AUTS2: variants seen among roughly 807,000 people sequenced by gnomAD.
AUTS2 encodes activator of transcription and developmental regulator AUTS2.
A neutral mutation model predicts 112.4 loss-of-function variants in AUTS2; 17 were observed. The observed-to-expected ratio is 0.15, with a 90% CI of 0.10 to 0.23. The LOEUF (loss-of-function observed/expected upper bound fraction) is 0.23, where lower values mean the gene tolerates loss of function less well. Ranked by LOEUF, AUTS2 falls within the 10% of genes least tolerant of loss-of-function variation. AUTS2 has a pLI of 1.00. For missense variants in AUTS2, 1,510 were observed against 1,701.6 expected, an observed-to-expected ratio of 0.89 and a Z score of 1.98; for synonymous variants, 751 against 702.7, an observed-to-expected ratio of 1.07 and a Z score of -1.09.
At chr7:70,056,167 T>C (rs1801985702) in intron 2 of AUTS2, among the ~76,000 whole-genome samples, 1 of 152,242 alleles carries the variant, frequency 6.6e-6, no homozygotes, top group African/African-American at 2.4e-5. Flanking sequence ...TTTGTATTTT[T>C]AGTAGAGACG....
At chr7:70,480,411 C>T (rs1449520431) in intron 5 of AUTS2, among the ~76,000 whole-genome samples, 1 of 152,154 alleles carries the variant, frequency 6.6e-6, no homozygotes, top group Non-Finnish European at 1.5e-5. Context: ...TCTACATGGC[C>T]ATATCCTTGC....
chr7:69,847,339 A>G (rs1328384382), intron 1 of AUTS2, among the ~76,000 whole-genome samples: 1 of 152,252 alleles, frequency 6.6e-6, no homozygotes, highest in Non-Finnish European at 1.5e-5. Flanking sequence ...AGGAGTTCAC[A>G]AAGTCATATG....
At chr7:70,592,582 G>T (rs945983493) in intron 5 of AUTS2, among the ~76,000 whole-genome samples, 2 of 151,896 alleles carry the variant, frequency 1.3e-5, no homozygotes, top group African/African-American at 4.8e-5. Flanking sequence ...AGCTGGTCTC[G>T]AACTCCTGAC....
chr7:70,229,996 G>A (rs780681702), intron 4 of AUTS2, among the ~76,000 whole-genome samples: 20 of 151,874 alleles, frequency 1.3e-4, no homozygotes, highest in African/African-American at 2.7e-4. Flanking sequence ...AAACTTTTTC[G>A]GAAGGGGATC....
intron 3 of AUTS2, among the ~76,000 whole-genome samples, chr7:70,121,316 A>T (rs909891148): frequency 6.6e-6 from 1 of 152,188 alleles, no homozygotes; most frequent in African/African-American, 2.4e-5. Flanking sequence ...TGACACCAAA[A>T]GCATGTACAA....
At chr7:70,347,992 A>G (rs1306020238) in intron 4 of AUTS2, among the ~76,000 whole-genome samples, 2 of 152,164 alleles carry the variant, frequency 1.3e-5, no homozygotes, top group African/African-American at 4.8e-5. Context: ...TAGGCACTAA[A>G]TATGAAACAT....
chr7:70,112,277 A>G (rs1805126473), intron 2 of AUTS2, among the ~76,000 whole-genome samples: 1 of 151,948 alleles, frequency 6.6e-6, no homozygotes, highest in African/African-American at 2.4e-5. Flanking sequence ...GGTGATATGG[A>G]TATTCAACAT....
intron 4 of AUTS2, among the ~76,000 whole-genome samples, chr7:70,264,262 C>T (rs1787305506): frequency 6.6e-6 from 1 of 152,156 alleles, no homozygotes; most frequent in Non-Finnish European, 1.5e-5. Flanking sequence ...GACTGCAGTA[C>T]AGTGGCACGA....
intron 2 of AUTS2, among the ~76,000 whole-genome samples, chr7:70,074,874 T>C (rs989461807): frequency 6.6e-6 from 1 of 152,162 alleles, no homozygotes; most frequent in South Asian, 2.1e-4. Context: ...ATCCCCAAAT[T>C]TGAACCAATC....
Position 70,061,200 on chromosome 7 carries a change from G to A in AUTS2, c.523-56932G>A, listed in dbSNP as rs542926411. On this transcript the variant is annotated intron_variant, in intron 2 of 18. Coordinates refer to ENST00000342771, the MANE Select transcript of AUTS2 (RefSeq NM_015570.4). The stretch of plus-strand genomic sequence containing the variant: ...AAATAATAGATTCTTGTTTATGTGC[G>A]AAATGGAGACAGTACTTTCTGGAAA... Among the ~76,000 whole-genome samples, 116 of 152,226 alleles carry A rather than the reference G, an allele frequency of 7.6e-4. 1 individual carries two copies. The highest frequency in any genetic ancestry group is 1.4e-3 in the Non-Finnish European group (94 of 68,020).
intron 5 of AUTS2, among the ~76,000 whole-genome samples, chr7:70,546,982 G>A (rs536282284): frequency 4.6e-5 from 7 of 152,144 alleles, no homozygotes; most frequent in South Asian, 2.1e-4. Flanking sequence ...TTACCAGCTC[G>A]TTTTAACAAC....
At chr7:70,141,338 C>G (rs1477507696) in intron 4 of AUTS2, among the ~76,000 whole-genome samples, 5 of 152,038 alleles carry the variant, frequency 3.3e-5, no homozygotes, top group African/African-American at 1.2e-4. Context: ...AGTAAAGGAT[C>G]AATGACTACA....
At chr7:70,169,088 A>T (rs1438765954) in intron 4 of AUTS2, among the ~76,000 whole-genome samples, 1 of 152,208 alleles carries the variant, frequency 6.6e-6, no homozygotes, top group Non-Finnish European at 1.5e-5. Flanking sequence ...GATAGAAAAC[A>T]GGCTCAGGGC....
At chr7:70,618,335 C>T (rs1804488542) in intron 5 of AUTS2, among the ~76,000 whole-genome samples, 1 of 152,162 alleles carries the variant, frequency 6.6e-6, no homozygotes, top group South Asian at 2.1e-4. Flanking sequence ...CTCTAACCTC[C>T]TGTGATCTGG....
chr7:69,664,016 G>T (rs979853728), intron 1 of AUTS2, among the ~76,000 whole-genome samples: 6 of 152,166 alleles, frequency 3.9e-5, no homozygotes. Flanking sequence ...CCCTCAGAAA[G>T]AAAAGAATCT....
chr7:69,952,131 G>A (rs1182552410), intron 2 of AUTS2, among the ~76,000 whole-genome samples: 1 of 151,726 alleles, frequency 6.6e-6, no homozygotes, highest in Non-Finnish European at 1.5e-5. Flanking sequence ...TTCTCTCAAG[G>A]GCTAATATTT....
chr7:69,687,810 AC>A (rs1345761957), intron 1 of AUTS2, among the ~76,000 whole-genome samples: 4 of 152,200 alleles, frequency 2.6e-5, no homozygotes, highest in African/African-American at 9.7e-5. Context: ...GTTAAGATCA[AC>A]AGCTATGTGT....
intron 2 of AUTS2, among the ~76,000 whole-genome samples, chr7:69,921,895 G>A (rs536442381): frequency 1.4e-3 from 207 of 151,258 alleles, no homozygotes; most frequent in Middle Eastern, 3.4e-3. Flanking sequence ...GAGAAACCCC[G>A]TCTCTACTAA....
intron 2 of AUTS2, among the ~76,000 whole-genome samples, chr7:70,039,504 A>G (rs1801152997): frequency 6.6e-6 from 1 of 152,004 alleles, no homozygotes; most frequent in South Asian, 2.1e-4. Context: ...CTGGGATTAC[A>G]GGCGCCTGAC....
Sources: allele counts gnomAD v4.1 joint callset (sites outside exome capture counted in the v4.1 genomes callset), GRCh38; gene constraint gnomAD v4.1.1; transcripts MANE v1.5; gene names NCBI Gene and HGNC (gene_info 2026-07-23, HGNC 2026-07-21).